Variants in GOLM2 observed in about 807,000 individuals in gnomAD.
The protein encoded by GOLM2 is protein GOLM2.
A neutral mutation model predicts 55.9 loss-of-function variants in GOLM2; 26 were observed. The ratio of observed to expected loss-of-function variants is 0.47; its 90% confidence interval spans 0.34 to 0.65. GOLM2 has a LOEUF of 0.65. Ranked by LOEUF, GOLM2 falls within the 30% of genes least tolerant of loss-of-function variation. GOLM2 has a pLI of 0.01. For synonymous variants in GOLM2, 165 were observed against 194.6 expected, an observed-to-expected ratio of 0.85 and a Z score of 1.27; for missense variants, 486 against 531.8, an observed-to-expected ratio of 0.91 and a Z score of 0.85.
intron 1 of GOLM2, among the ~76,000 whole-genome samples, chr15:44,301,813 G>A (rs1371603987): frequency 1.3e-5 from 2 of 151,964 alleles, no homozygotes; most frequent in Non-Finnish European, 2.9e-5. Context: ...TCGGGAGGTT[G>A]AGGCAGGAGA....
At chr15:44,393,698 G>A (rs1214989712) in intron 8 of GOLM2, among the ~76,000 whole-genome samples, 1 of 152,082 alleles carries the variant, frequency 6.6e-6, no homozygotes, top group East Asian at 1.9e-4. Context: ...TCAGCTCACT[G>A]CAGCCTCTGC....
At chr15:44,368,641 C>T (rs2079302689) in intron 6 of GOLM2, among the ~76,000 whole-genome samples, 1 of 151,862 alleles carries the variant, frequency 6.6e-6, no homozygotes, top group Non-Finnish European at 1.5e-5. Flanking sequence ...CTTTTTTACT[C>T]CCCATTCTTT....
intron 6 of GOLM2, among the ~76,000 whole-genome samples, chr15:44,359,126 G>T: frequency 6.6e-6 from 1 of 151,754 alleles, no homozygotes. Flanking sequence ...CTCCAGCCTG[G>T]GTGACAGAGC....
chr15:44,297,738 A>G (rs1321522219), intron 1 of GOLM2, among the ~76,000 whole-genome samples: 3 of 137,720 alleles, frequency 2.2e-5, no homozygotes, highest in African/African-American at 5.5e-5. Context: ...AATTTTTTGT[A>G]TTTTGAGTAG....
chr15:44,381,138 A>G (rs534022572), intron 8 of GOLM2, among the ~76,000 whole-genome samples, 162 bp downstream of exon 8: 1 of 152,350 alleles, frequency 6.6e-6, no homozygotes, highest in Non-Finnish European at 1.5e-5. Context: ...CAGGTTTTAA[A>G]TGGATAGATA....
chr15:44,352,821 G>A (rs552780326), intron 6 of GOLM2, among the ~76,000 whole-genome samples: 1 of 151,784 alleles, frequency 6.6e-6, no homozygotes, highest in Admixed American at 6.6e-5. Context: ...CAGGAGAATC[G>A]CTTGGACCTG....
chr15:44,313,878 GA>G (rs374239624), intron 1 of GOLM2, among the ~76,000 whole-genome samples: 44 of 151,988 alleles, frequency 2.9e-4, no homozygotes, highest in Admixed American at 8.5e-4. Flanking sequence ...ATGAGTGAAT[GA>G]AAAAAAACTT....
chr15:44,359,850 T>C (rs2079224726), intron 6 of GOLM2, among the ~76,000 whole-genome samples: 2 of 152,140 alleles, frequency 1.3e-5, no homozygotes, highest in African/African-American at 4.8e-5. Flanking sequence ...TAACAGCGGA[T>C]CTCTCGGGAG....
At chr15:44,404,098 T>C (rs1199805810) in intron 9 of GOLM2, among the ~76,000 whole-genome samples, 2 of 152,184 alleles carry the variant, frequency 1.3e-5, no homozygotes, top group African/African-American at 4.8e-5. Flanking sequence ...TATTGTTTAG[T>C]AGTATTTGTG....
intron 8 of GOLM2, among the ~76,000 whole-genome samples, chr15:44,398,520 C>G (rs1423541480): frequency 6.6e-6 from 1 of 152,128 alleles, no homozygotes; most frequent in African/African-American, 2.4e-5. Flanking sequence ...ATCAGTGAAC[C>G]ATGGATGGAT....
At chr15:44,336,801 A>C (rs1183097848) in intron 4 of GOLM2, among the ~76,000 whole-genome samples, 1 of 152,028 alleles carries the variant, frequency 6.6e-6, no homozygotes, top group East Asian at 1.9e-4. Flanking sequence ...CTGTAGTCCC[A>C]GTTACTCGGG....
In GOLM2 at chr15:44,330,293, A is replaced by G. The variant is rs1406632410; in HGVS notation, c.485+1506A>G. On this transcript the variant is annotated intron_variant, in intron 3 of 9. Coordinates refer to ENST00000299957, the MANE Select transcript of GOLM2 (RefSeq NM_138423.4). The stretch of plus-strand genomic sequence containing the variant: ...TTTGGGAGGCTGAGGCGGGTGGATC[A>G]CCTGAGGTCGGGAGTTCAAGACCAG... 3.4e-5 allele frequency among the ~76,000 whole-genome samples: 5 copies of G among 148,162 alleles called. No homozygotes were observed. The East Asian group carries it at 8.0e-4, about 24-fold the overall frequency.
intron 6 of GOLM2, among the ~76,000 whole-genome samples, chr15:44,353,933 T>A (rs1306997829): frequency 1.3e-5 from 2 of 152,076 alleles, no homozygotes; most frequent in East Asian, 3.9e-4. Flanking sequence ...AAGAGTATAA[T>A]TGGGTTTTAA....
At chr15:44,307,029 T>G (rs2078841932) in intron 1 of GOLM2, among the ~76,000 whole-genome samples, 2 of 152,046 alleles carry the variant, frequency 1.3e-5, no homozygotes, top group African/African-American at 2.4e-5. Flanking sequence ...TATCAAAATG[T>G]GACATAGGGA....
intron 6 of GOLM2, among the ~76,000 whole-genome samples, chr15:44,347,854 A>T (rs1325519489): frequency 6.6e-6 from 1 of 152,158 alleles, no homozygotes; most frequent in Non-Finnish European, 1.5e-5. Context: ...TCATTTTGCA[A>T]CTTGAATACC....
rs2079662465 is a variant in GOLM2 at position 44,414,761 on chromosome 15, AT to A, written c.*1356del. ...AAATAGCTTAAAAGTTTGTAAAAAA[AT>A]GAATCTTTGTAATTACTTAATATGT... On this transcript the variant is annotated 3_prime_UTR_variant, in exon 10 of 10. Coordinates refer to ENST00000299957, the MANE Select transcript of GOLM2 (RefSeq NM_138423.4). The A allele has an allele frequency of 1.3e-5, 2 of 152,674 alleles. No individual in the cohort carries two copies. 9.5% of individuals were successfully genotyped at this position (152,674 alleles called of 1,614,324 possible).
chr15:44,359,228 G>A (rs1472002547), intron 6 of GOLM2, among the ~76,000 whole-genome samples: 1 of 151,948 alleles, frequency 6.6e-6, no homozygotes, highest in East Asian at 1.9e-4. Flanking sequence ...AAGACTGGGA[G>A]AAAAATTTTG....
rs1374287612 is a variant in GOLM2 at position 44,374,768 on chromosome 15, AC to A, written c.803-4920del. On this transcript the variant is annotated intron_variant, in intron 6 of 9. Coordinates refer to ENST00000299957, the MANE Select transcript of GOLM2 (RefSeq NM_138423.4). The stretch of plus-strand genomic sequence containing the variant: ...GACAGCACTATGGGGATGGTGCTAA[AC>A]CATTAGAAACCACCTCCATGATCCA... Among the ~76,000 whole-genome samples the A allele has an allele frequency of 2.0e-5, 3 of 152,270 alleles. No homozygotes were observed. The East Asian group carries it at 5.8e-4, about 29-fold the overall frequency.
chr15:44,335,082 G>A (rs2079047767), intron 4 of GOLM2, among the ~76,000 whole-genome samples: 1 of 151,978 alleles, frequency 6.6e-6, no homozygotes, highest in Non-Finnish European at 1.5e-5. Flanking sequence ...ATCCTGAATT[G>A]GATCCTGAAA....
Sources: gnomAD v4.1 joint callset for allele counts (sites outside exome capture counted in the v4.1 genomes callset) on GRCh38, gnomAD v4.1.1 for gene constraint, MANE v1.5 for transcripts, NCBI Gene and HGNC (gene_info 2026-07-23, HGNC 2026-07-21) for gene names.